Variants in EVI5 observed in about 807,000 individuals in gnomAD.
The protein encoded by EVI5 is ecotropic viral integration site 5 protein homolog.
A neutral mutation model predicts 112.0 loss-of-function variants in EVI5; 73 were observed. The ratio of observed to expected loss-of-function variants is 0.65; its 90% confidence interval spans 0.54 to 0.79. The LOEUF is 0.79. Ranked by LOEUF, EVI5 falls within the 30% of genes least tolerant of loss-of-function variation. EVI5 has a pLI of 0.00. For missense variants in EVI5, 900 were observed against 968.8 expected, an observed-to-expected ratio of 0.93 and a Z score of 0.94; for synonymous variants, 305 against 319.9, an observed-to-expected ratio of 0.95 and a Z score of 0.50.
chr1:92,676,245 AG>A (rs1666729915), intron 10 of EVI5, among the ~76,000 whole-genome samples: 1 of 152,144 alleles, frequency 6.6e-6, no homozygotes, highest in Non-Finnish European at 1.5e-5. Context: ...AAAGAGTATT[AG>A]TTTAACAGAA....
chr1:92,739,650 T>G (rs1043787478), intron 1 of EVI5, among the ~76,000 whole-genome samples: 6 of 152,182 alleles, frequency 3.9e-5, no homozygotes, highest in Non-Finnish European at 7.3e-5. Context: ...ATTACAATAG[T>G]TGAATACAAT....
chr1:92,683,552 A>C (rs1349810802), intron 9 of EVI5, among the ~76,000 whole-genome samples: 2 of 152,200 alleles, frequency 1.3e-5, no homozygotes, highest in Admixed American at 1.3e-4. Context: ...TGGATGGAGA[A>C]TGAGTTTGAC....
At chr1:92,753,885 C>G (rs1456740763) in intron 1 of EVI5, among the ~76,000 whole-genome samples, 6 of 152,092 alleles carry the variant, frequency 3.9e-5, no homozygotes, top group Non-Finnish European at 7.4e-5. Flanking sequence ...CCTAAACTGA[C>G]AGGACTTTAG....
At chr1:92,533,984 A>C (rs956381936) in intron 19 of EVI5, among the ~76,000 whole-genome samples, 2 of 152,200 alleles carry the variant, frequency 1.3e-5, no homozygotes, top group Non-Finnish European at 2.9e-5. Context: ...GAGAAGAAGT[A>C]AAATTGTCTC....
At chr1:92,605,468 G>T in intron 17 of EVI5, 66 bp from the exon 18 acceptor site, 1 of 1,056,156 alleles carries the variant, frequency 9.5e-7, no homozygotes, top group Non-Finnish European at 1.5e-6. Context: ...TTTTAGAAAA[G>T]TAATAGGTTG....
chr1:92,546,811 C>T (rs1571439038), intron 19 of EVI5, among the ~76,000 whole-genome samples: 1 of 152,114 alleles, frequency 6.6e-6, no homozygotes, highest in African/African-American at 2.4e-5. Flanking sequence ...ATCCTAAACA[C>T]GTATCACCCA....
At chr1:92,750,907 T>C (rs149880191) in intron 1 of EVI5, among the ~76,000 whole-genome samples, 2,293 of 152,282 alleles carry the variant, frequency 0.015, 33 homozygotes, top group Non-Finnish European at 0.02. Flanking sequence ...TCCCAGCACT[T>C]TGGGAGGCCG....
intron 2 of EVI5, among the ~76,000 whole-genome samples, chr1:92,724,886 A>G (rs1046971677): frequency 1.3e-5 from 2 of 152,194 alleles, no homozygotes; most frequent in African/African-American, 2.4e-5. Flanking sequence ...GACTCGGGAC[A>G]TAAGTAAAGT....
intron 18 of EVI5, among the ~76,000 whole-genome samples, chr1:92,589,295 C>T (rs539699911): frequency 2.2e-3 from 331 of 152,186 alleles, no homozygotes; most frequent in African/African-American, 7.4e-3. Flanking sequence ...GCACACCGAG[C>T]GTGAGCCGAA....
intron 9 of EVI5, among the ~76,000 whole-genome samples, chr1:92,684,842 C>T (rs865934129): frequency 2.0e-5 from 3 of 152,060 alleles, no homozygotes; most frequent in Non-Finnish European, 4.4e-5. Flanking sequence ...ATCAATTCAA[C>T]AAGAAGAGCT....
intron 9 of EVI5, among the ~76,000 whole-genome samples, chr1:92,691,115 A>T (rs1282169344): frequency 2.6e-5 from 4 of 152,238 alleles, no homozygotes; most frequent in Non-Finnish European, 4.4e-5. Flanking sequence ...CTAAATTTTT[A>T]AAAATGTAAG....
chr1:92,532,674 C>T (rs962163562), intron 19 of EVI5, among the ~76,000 whole-genome samples: 2 of 152,106 alleles, frequency 1.3e-5, no homozygotes, highest in African/African-American at 4.8e-5. Flanking sequence ...ACAACCTGCT[C>T]CTGAATGACT....
intron 19 of EVI5, among the ~76,000 whole-genome samples, chr1:92,526,901 A>G (rs981809385): frequency 3.9e-5 from 6 of 152,220 alleles, no homozygotes; most frequent in Admixed American, 3.3e-4. Context: ...CTTATGTATT[A>G]AGCTACTGCA....
intron 13 of EVI5, among the ~76,000 whole-genome samples, chr1:92,660,061 C>G (rs541247409): frequency 2.0e-5 from 3 of 151,868 alleles, no homozygotes; most frequent in African/African-American, 7.2e-5. Context: ...ATAATAGACA[C>G]TGGAGACTCA....
intron 18 of EVI5, among the ~76,000 whole-genome samples, chr1:92,566,491 T>C (rs941920221): frequency 6.6e-6 from 1 of 152,214 alleles, no homozygotes; most frequent in Non-Finnish European, 1.5e-5. Context: ...ATGTATGGCA[T>C]ATACAATTAT....
chr1:92,687,594 T>G (rs1472968734), intron 9 of EVI5, among the ~76,000 whole-genome samples: 1 of 151,982 alleles, frequency 6.6e-6, no homozygotes, highest in African/African-American at 2.4e-5. Flanking sequence ...ATCACCAGAG[T>G]GAACAGGCAA....
chr1:92,784,726 T>G (rs903246084), intron 1 of EVI5, 110 bp downstream of exon 1: 2 of 808,866 alleles, frequency 2.5e-6, no homozygotes, highest in Non-Finnish European at 1.5e-6. Flanking sequence ...ACAGCAAAAC[T>G]TGCGGCGGCC....
At chr1:92,784,703 C>T in intron 1 of EVI5, 133 bp downstream of exon 1, 1 of 599,502 alleles carries the variant, frequency 1.7e-6, no homozygotes, top group Non-Finnish European at 2.1e-6. Context: ...CCAGGCGCGC[C>T]CGCCCCGCTC....
intron 1 of EVI5, among the ~76,000 whole-genome samples, chr1:92,755,377 C>T (rs1680797634): frequency 6.6e-6 from 1 of 152,142 alleles, no homozygotes; most frequent in Non-Finnish European, 1.5e-5. Context: ...CACCACTGCA[C>T]TCCAGCCTGG....
Sources: gnomAD v4.1 joint callset for allele counts (sites outside exome capture counted in the v4.1 genomes callset) on GRCh38, gnomAD v4.1.1 for gene constraint, MANE v1.5 for transcripts, NCBI Gene and HGNC (gene_info 2026-07-23, HGNC 2026-07-21) for gene names.